The following GRID1 variants were observed in gnomAD, a reference collection of about 807,000 sequenced individuals.
GRID1 encodes the protein glutamate receptor ionotropic, delta-1.
In GRID1, 28 loss-of-function variants were observed where a neutral mutation model predicts 98.0. The ratio of observed to expected loss-of-function variants is 0.29; its 90% CI spans 0.21 to 0.39. The LOEUF (loss-of-function observed/expected upper bound fraction) is 0.39, where lower values mean the gene tolerates loss of function less well. Among genes scored for constraint, GRID1 ranks in the 10% least tolerant of loss-of-function variants. The pLI is 1.00. For synonymous variants in GRID1, 553 were observed against 538.5 expected, an observed-to-expected ratio of 1.03 and a Z score of -0.37; for missense variants, 1,111 against 1,340.5, an observed-to-expected ratio of 0.83 and a Z score of 2.67.
chr10:86,266,279 C>A (rs963641942), intron 2 of GRID1, among the ~76,000 whole-genome samples: 8 of 152,216 alleles, frequency 5.3e-5, no homozygotes, highest in South Asian at 4.2e-4. Context: ...ATGCACAGCA[C>A]CAGTGACGCC....
intron 4 of GRID1, among the ~76,000 whole-genome samples, chr10:85,936,900 T>C (rs968578665): frequency 6.6e-6 from 1 of 152,234 alleles, no homozygotes; most frequent in Non-Finnish European, 1.5e-5. Flanking sequence ...CATTTGTTTT[T>C]CAACTCAATA....
At chr10:86,327,370 C>T (rs894683580) in intron 2 of GRID1, among the ~76,000 whole-genome samples, 1 of 152,158 alleles carries the variant, frequency 6.6e-6, no homozygotes, top group Non-Finnish European at 1.5e-5. Flanking sequence ...TTACTCTGCC[C>T]ACTGCCAGAG....
rs144685883 is a variant in GRID1 at position 86,126,664 on chromosome 10, A to G, written c.726+12155T>C. ...GCCTGCAAGCCTTATCAGCCCTGCC[A>G]CAGGCAGAGTTGGCCAACAAAGAGT... On this transcript the variant is annotated intron_variant, in intron 4 of 15. Coordinates refer to ENST00000327946, the MANE Select transcript of GRID1 (RefSeq NM_017551.3). Among the ~76,000 whole-genome samples, 71 of 152,340 alleles carry G rather than the reference A, an allele frequency of 4.7e-4. No homozygotes were observed. In the East Asian group the frequency reaches 0.011, roughly 24 times the overall value.
intron 4 of GRID1, among the ~76,000 whole-genome samples, chr10:86,006,190 G>A (rs1358863804): frequency 3.3e-5 from 5 of 152,204 alleles, no homozygotes; most frequent in Non-Finnish European, 5.9e-5. Context: ...GTCCAAAGTG[G>A]CAGGTCAGGT....
chr10:86,089,161 T>C (rs1029490890), intron 4 of GRID1, among the ~76,000 whole-genome samples: 6 of 152,172 alleles, frequency 3.9e-5, no homozygotes, highest in Non-Finnish European at 8.8e-5. Flanking sequence ...AGTCAGAATT[T>C]ATACCACTGC....
chr10:85,833,364 G>A (rs891063129), intron 8 of GRID1, among the ~76,000 whole-genome samples: 1 of 152,122 alleles, frequency 6.6e-6, no homozygotes, highest in Admixed American at 6.5e-5. Flanking sequence ...GAATCACAAA[G>A]AAAGATCAGA....
intron 2 of GRID1, among the ~76,000 whole-genome samples, chr10:86,354,484 G>A (rs1848507236): frequency 6.6e-6 from 1 of 152,230 alleles, no homozygotes; most frequent in Non-Finnish European, 1.5e-5. Flanking sequence ...GGGCGCCATG[G>A]TGGACTGTTG....
intron 4 of GRID1, among the ~76,000 whole-genome samples, chr10:85,937,824 G>GC (rs2131836532): frequency 6.6e-6 from 1 of 152,242 alleles, no homozygotes; most frequent in African/African-American, 2.4e-5. Context: ...GCACAGTTCT[G>GC]CCCCCACCAC....
intron 2 of GRID1, among the ~76,000 whole-genome samples, chr10:86,244,723 C>A (rs1846694086): frequency 6.6e-6 from 1 of 152,240 alleles, no homozygotes; most frequent in Admixed American, 6.5e-5. Context: ...ATGCCACATG[C>A]CCAAAGAAAT....
chr10:86,073,965 G>A (rs1843841457), intron 4 of GRID1, among the ~76,000 whole-genome samples: 1 of 136,506 alleles, frequency 7.3e-6, no homozygotes, highest in Non-Finnish European at 1.6e-5. Flanking sequence ...GGGGAGGGTG[G>A]GGGAAATTCC....
chr10:85,879,911 T>A (rs1019394507), intron 5 of GRID1, among the ~76,000 whole-genome samples: 1 of 151,882 alleles, frequency 6.6e-6, no homozygotes, highest in African/African-American at 2.4e-5. Context: ...AAGAATCAAA[T>A]AGACGCAATA....
chr10:86,267,661 A>G (rs1847124624), intron 2 of GRID1, among the ~76,000 whole-genome samples: 1 of 152,148 alleles, frequency 6.6e-6, no homozygotes, highest in Non-Finnish European at 1.5e-5. Context: ...CCAGAACTCC[A>G]CGGCCATGGC....
intron 4 of GRID1, among the ~76,000 whole-genome samples, chr10:85,933,307 A>C (rs541686521): frequency 8.4e-6 from 1 of 119,140 alleles, no homozygotes; most frequent in Non-Finnish European, 1.9e-5. Context: ...AAAAAAAAAA[A>C]AAAAACTTAT....
At chr10:85,713,970 A>G (rs1484314803) in intron 12 of GRID1, among the ~76,000 whole-genome samples, 1 of 152,036 alleles carries the variant, frequency 6.6e-6, no homozygotes, top group African/African-American at 2.4e-5. Context: ...CACCATATCT[A>G]TTCAACATAG....
intron 8 of GRID1, among the ~76,000 whole-genome samples, chr10:85,789,356 G>T (rs1842457843): frequency 6.6e-6 from 1 of 152,144 alleles, no homozygotes; most frequent in Non-Finnish European, 1.5e-5. Context: ...TGCCAGAGCA[G>T]CCGCAGTGTG....
chr10:85,958,862 C>A, intron 4 of GRID1, among the ~76,000 whole-genome samples: 1 of 150,632 alleles, frequency 6.6e-6, no homozygotes, highest in Admixed American at 6.7e-5. Context: ...GAGGCTGAGG[C>A]AGGAGAATCA....
At chr10:85,718,122 C>T (rs980175011) in intron 12 of GRID1, among the ~76,000 whole-genome samples, 1 of 152,178 alleles carries the variant, frequency 6.6e-6, no homozygotes, top group Non-Finnish European at 1.5e-5. Context: ...AGTGGATTTA[C>T]CATTCTGTGG....
At position 86,283,912 on chromosome 10, in the gene GRID1, C is replaced by G. The variant is rs544325580; in HGVS notation, c.236-77264G>C. On this transcript the variant is annotated intron_variant, in intron 2 of 15. Coordinates refer to ENST00000327946, the MANE Select transcript of GRID1 (RefSeq NM_017551.3). ...CCCTCACACACCTGTATATACACAC[C>G]TGCCCTCACACATCTGCATATACAC... 2.1e-3 allele frequency among the ~76,000 whole-genome samples: 317 copies of G among 149,278 alleles called. 2 individuals are homozygous for G. Among genetic ancestry groups the G allele is most frequent in the African/African-American group, 7.3e-3 (295 of 40,350 alleles).
intron 2 of GRID1, among the ~76,000 whole-genome samples, chr10:86,352,937 G>C (rs1192283036): frequency 6.6e-6 from 1 of 152,198 alleles, no homozygotes; most frequent in Non-Finnish European, 1.5e-5. Flanking sequence ...CTAAGGTGCT[G>C]TCCACAGCCT....
Sources: gnomAD v4.1 joint callset for allele counts (sites outside exome capture counted in the v4.1 genomes callset) on GRCh38, gnomAD v4.1.1 for gene constraint, MANE v1.5 for transcripts, NCBI Gene and HGNC (gene_info 2026-07-23, HGNC 2026-07-21) for gene names.